Variants in CHD6 observed in about 807,000 individuals in gnomAD.
CHD6 encodes the protein ATP-dependent chromatin remodeler CHD6.
Under a neutral mutation model 276.9 loss-of-function variants are expected in CHD6, and 50 were observed. The observed-to-expected ratio is 0.18, with a 90% CI of 0.14 to 0.23. The LOEUF (loss-of-function observed/expected upper bound fraction) is 0.23, where lower values mean the gene tolerates loss of function less well. CHD6 is among the 10% of genes least tolerant of loss of function. CHD6 has a pLI of 1.00. For synonymous variants in CHD6, 1,173 were observed against 1,229.3 expected, an observed-to-expected ratio of 0.95 and a Z score of 0.96; for missense variants, 2,564 against 3,365.8, an observed-to-expected ratio of 0.76 and a Z score of 5.89.
intron 16 of CHD6, among the ~76,000 whole-genome samples, chr20:41,478,088 C>T (rs974072189): frequency 6.6e-6 from 1 of 152,118 alleles, no homozygotes; most frequent in Non-Finnish European, 1.5e-5. Context: ...AGGAACAGGA[C>T]CTCAAAATGC....
At chr20:41,447,804 G>T in intron 24 of CHD6, 78 bp downstream of exon 24, 1 of 1,022,858 alleles carries the variant, frequency 9.8e-7, no homozygotes, top group Non-Finnish European at 1.5e-6. Flanking sequence ...TTAAGCACAG[G>T]CAAGTTTGGC....
chr20:41,416,096 CA>C (rs1288051039), intron 33 of CHD6, among the ~76,000 whole-genome samples: 1 of 152,172 alleles, frequency 6.6e-6, no homozygotes, highest in Non-Finnish European at 1.5e-5. Flanking sequence ...TAATGTATCT[CA>C]AAACTCATCA....
rs973254283 is a variant in CHD6 at position 41,420,538 on chromosome 20, A to G, written c.6097T>C (p.Tyr2033His). The change falls in exon 31 of 37, where the codon TAT becomes CAT. Residue 2033 changes from tyrosine (Y) to histidine (H), a missense_variant. Transcript: ENST00000373233. ...EDMDFENKDD[Y>H]DRDGNCHSQD... ...CTATGGCAGTTTCCGTCTCTATCAT[A>G]ATCATCTTTATTCTCAAAATCCATG... The G allele has an allele frequency of 1.2e-6, 2 of 1,613,072 alleles. No individual in the cohort carries two copies. The highest frequency in any genetic ancestry group is 2.7e-5 in the African/African-American group (2 of 74,842).
chr20:41,487,376 C>T (rs1320836842), intron 14 of CHD6, among the ~76,000 whole-genome samples: 8 of 152,254 alleles, frequency 5.3e-5, no homozygotes, highest in South Asian at 4.1e-4. Context: ...AATCAGCGAA[C>T]GCACAATATG....
Position 41,614,856 on chromosome 20 carries a change from C to T in CHD6, c.-24+3484G>A, listed in dbSNP as rs1486174838. 4 of 152,204 alleles carry T rather than the reference C, an allele frequency of 2.6e-5. No individual in the cohort carries two copies. In the East Asian group the frequency reaches 5.8e-4, roughly 22 times the overall value. The allele number at this position is 152,204 out of a possible 1,614,324, so 9.4% of individuals were successfully genotyped here. A position where few individuals can be genotyped will look rare whatever the true frequency, so the allele number is the denominator to read the frequency against. ...ATGGTTATTACTGTACCAGGGTACA[C>T]CTGAACTCCTAAGTGCCCCAGGAAG... is the stretch of plus-strand genomic sequence containing the variant. On this transcript the variant is annotated intron_variant, in intron 1 of 36. Transcript: ENST00000373233.
rs562305947 is a variant in CHD6, at chr20:41,477,765, G to A, written c.2469-4248C>T. On this transcript the variant is annotated intron_variant, in intron 16 of 36. Coordinates refer to ENST00000373233, the MANE Select transcript of CHD6 (RefSeq NM_032221.5). ...AATTTAATAGTGCAGAACACGTGAC[G>A]GGATCAAACATTGGTGGCACTAGGT... 2.6e-5 allele frequency among the ~76,000 whole-genome samples: 4 copies of A among 152,268 alleles called. No homozygotes were observed. The East Asian group carries it at 7.7e-4, about 29-fold the overall frequency.
At chr20:41,587,927 A>C (rs1336207225) in intron 1 of CHD6, among the ~76,000 whole-genome samples, 21 of 152,180 alleles carry the variant, frequency 1.4e-4, no homozygotes, top group Admixed American at 1.3e-3. Context: ...ATAGGAGTAA[A>C]CGCTGAGAAG....
chr20:41,531,271 AG>A (rs2044678392), intron 3 of CHD6, among the ~76,000 whole-genome samples: 1 of 152,204 alleles, frequency 6.6e-6, no homozygotes, highest in South Asian at 2.1e-4. Flanking sequence ...ACTTCTTATT[AG>A]GGCTATAAAA....
chr20:41,494,012 T>TGG, intron 8 of CHD6, 68 bp from the exon 9 acceptor site: 15 of 1,105,144 alleles, frequency 1.4e-5, no homozygotes, highest in Non-Finnish European at 1.9e-5. Context: ...CCTAGGGTGT[T>TGG]ATCTCTAAGT....
rs181275029 is a variant in CHD6, at chr20:41,592,750, G to A, written c.-24+25590C>T. Among the ~76,000 whole-genome samples the A allele has an allele frequency of 1.8e-3, 280 of 152,236 alleles. 4 individuals carry two copies. The highest frequency in any genetic ancestry group is 4.0e-4 in the Non-Finnish European group (27 of 68,022). On this transcript the variant is annotated intron_variant, in intron 1 of 36. Transcript: ENST00000373233. ...ATGGAACAGCACTGGCATTAGCAGG[G>A]ATGCAACATGAGAACACCCGGGGAT...
intron 30 of CHD6, among the ~76,000 whole-genome samples, chr20:41,422,800 T>C (rs1339229579): frequency 6.6e-6 from 1 of 152,234 alleles, no homozygotes; most frequent in Non-Finnish European, 1.5e-5. Context: ...TTCCAATATA[T>C]TCAGCTCCCT....
chr20:41,455,939 C>A lies in CHD6; in HGVS notation c.2870G>T (p.Arg957Leu). Residue 957 changes from arginine to leucine, a missense_variant, in exon 19 of 37, where the codon CGG becomes CTG. By Grantham distance (102) the Arg-to-Leu change is moderately radical. This residue lies in a region of CHD6 where 457 missense variants were observed against 889.0 expected (regional missense o/e 0.51). Transcript: ENST00000373233. ...LSKMEVEDLLRKGAYGALMDE... is the reference protein window; with the variant it reads ...LSKMEVEDLLLKGAYGALMDE... ...CATTAAGGCTCCATAAGCACCTTTCCGGAGTAGGTCCTCCACCTCCATTTT... is the reference window on the plus strand; with the variant it reads ...CATTAAGGCTCCATAAGCACCTTTCAGGAGTAGGTCCTCCACCTCCATTTT... 6.3e-7 allele frequency: 1 copy of A among 1,598,646 alleles called. No individual in the cohort carries two copies. The highest frequency in any genetic ancestry group is 8.5e-7 in the Non-Finnish European group (1 of 1,173,528).
At chr20:41,451,732 G>T in intron 22 of CHD6, 94 bp downstream of exon 22, 3 of 1,081,422 alleles carry the variant, frequency 2.8e-6, no homozygotes, top group Non-Finnish European at 4.2e-6. Flanking sequence ...AGAAAGAGAA[G>T]TCCCCCAAAG....
At chr20:41,438,985 T>C (rs1161023609) in intron 26 of CHD6, among the ~76,000 whole-genome samples, 1 of 152,188 alleles carries the variant, frequency 6.6e-6, no homozygotes, top group East Asian at 1.9e-4. Context: ...CATTCTCAGG[T>C]CTGGCCACAG....
intron 27 of CHD6, among the ~76,000 whole-genome samples, chr20:41,436,646 G>A (rs1206805663): frequency 6.6e-6 from 1 of 152,058 alleles, no homozygotes; most frequent in African/African-American, 2.4e-5. Flanking sequence ...AACAAACTCT[G>A]GTTCTTCCAT....
At chr20:41,436,671 C>G (rs1384156797) in intron 27 of CHD6, among the ~76,000 whole-genome samples, 2 of 152,164 alleles carry the variant, frequency 1.3e-5, no homozygotes, top group African/African-American at 4.8e-5. Context: ...CTGAATACTA[C>G]TCAGCAGTGA....
intron 5 of CHD6, among the ~76,000 whole-genome samples, chr20:41,506,763 G>C (rs2043985859): frequency 2.0e-5 from 3 of 152,194 alleles, no homozygotes; most frequent in Admixed American, 6.5e-5. Flanking sequence ...GACCAGTTGT[G>C]AATTTGTTGC....
intron 23 of CHD6, among the ~76,000 whole-genome samples, chr20:41,449,234 G>A (rs1004192330): frequency 6.6e-6 from 1 of 152,144 alleles, no homozygotes; most frequent in African/African-American, 2.4e-5. Flanking sequence ...TTAAAGCCCA[G>A]AGAATAAGAA....
At chr20:41,505,936 C>T (rs1233918429) in intron 5 of CHD6, among the ~76,000 whole-genome samples, 3 of 152,178 alleles carry the variant, frequency 2.0e-5, no homozygotes, top group Non-Finnish European at 4.4e-5. Context: ...AGTCTTCTCC[C>T]ACCTGAGTTA....
Sources: allele counts gnomAD v4.1 joint callset (sites outside exome capture counted in the v4.1 genomes callset), GRCh38; gene constraint gnomAD v4.1.1; regional missense constraint gnomAD v4.1.1; transcripts MANE v1.5; gene names NCBI Gene and HGNC (gene_info 2026-07-23, HGNC 2026-07-21).